The following SNX31 variants were observed in gnomAD, a reference collection of about 807,000 sequenced individuals.
SNX31 encodes sorting nexin 31.
In SNX31, 58 loss-of-function variants were observed where a neutral mutation model predicts 65.4. That is an observed-to-expected ratio of 0.89 (90% CI 0.72 to 1.10). SNX31 has a LOEUF of 1.10. Among genes scored for constraint, SNX31 ranks in the 50% least tolerant of loss-of-function variants. The pLI, the probability that SNX31 is intolerant of heterozygous loss-of-function variation, is 0.00. For missense variants in SNX31, 523 were observed against 529.7 expected, an observed-to-expected ratio of 0.99 and a Z score of 0.12; for synonymous variants, 181 against 190.1, an observed-to-expected ratio of 0.95 and a Z score of 0.39.
chr8:100,629,887 T>C lies in SNX31; in HGVS notation c.321+440A>G, dbSNP rs938495920. 6.6e-6 allele frequency among the ~76,000 whole-genome samples: 1 copy of C among 152,254 alleles called. No individual in the cohort carries two copies. Among genetic ancestry groups the C allele is most frequent in the African/African-American group, 2.4e-5 (1 of 41,458 alleles). ...ACAATAAAGGTAGGAGTAGAGAATATACAAGGAATAGCCAGCATGGCCTGC... is the reference window on the plus strand; with the variant it reads ...ACAATAAAGGTAGGAGTAGAGAATACACAAGGAATAGCCAGCATGGCCTGC... On this transcript the variant is annotated intron_variant, in intron 4 of 13. Coordinates refer to ENST00000311812, the MANE Select transcript of SNX31 (RefSeq NM_152628.4). The surrounding 1 kb of genome is among the most constrained non-coding windows in gnomAD (Gnocchi z 5.1).
chr8:100,649,671 T>TGGGGCC (rs1452419080), upstream of SNX31: 23 of 645,994 alleles, frequency 3.6e-5, no homozygotes, highest in East Asian at 2.3e-4. Flanking sequence ...CATCTACAGG[T>TGGGGCC]GGGGCCGGGG....
upstream of SNX31, among the ~76,000 whole-genome samples, chr8:100,653,064 C>T (rs1278828636): frequency 6.6e-6 from 1 of 152,162 alleles, no homozygotes; most frequent in Non-Finnish European, 1.5e-5. Context: ...TAAGTCTTCG[C>T]ATCCTGTGTA....
intron 9 of SNX31, 110 bp downstream of exon 9, chr8:100,600,239 G>A (rs1379385253): frequency 1.2e-6 from 1 of 810,692 alleles, no homozygotes. Flanking sequence ...TTTAAAAAGA[G>A]CCCCACTTTT....
At chr8:100,621,695 C>T (rs1817708023) in intron 4 of SNX31, among the ~76,000 whole-genome samples, 2 of 152,212 alleles carry the variant, frequency 1.3e-5, no homozygotes, top group African/African-American at 4.8e-5. Context: ...TTTTTAAATG[C>T]AAACCTAAAA....
At position 100,648,459 on chromosome 8, in the gene SNX31, G is replaced by A. The variant is rs144319657; in HGVS notation, c.141+815C>T. ...ATTACAAGCATGAGCCACGGTGCCT[G>A]GCCTATACTTTTGTTTTTAATGTTA... On this transcript the variant is annotated intron_variant, in intron 2 of 13. Coordinates refer to ENST00000311812, the MANE Select transcript of SNX31 (RefSeq NM_152628.4). This position sits in a 1 kb window ranked among gnomAD's most constrained non-coding sequence, Gnocchi z 4.3. Among the ~76,000 whole-genome samples, 177 of 151,810 alleles carry A rather than the reference G, an allele frequency of 1.2e-3. 4 individuals carry two copies. In the East Asian group the frequency reaches 0.028, roughly 24 times the overall value.
chr8:100,586,027 T>G (rs968538156), intron 11 of SNX31, among the ~76,000 whole-genome samples: 8 of 152,208 alleles, frequency 5.3e-5, no homozygotes, highest in Non-Finnish European at 2.9e-5. Flanking sequence ...TTCATGGGAT[T>G]CTCCTGCCTT....
chr8:100,573,754 G>T lies in SNX31; in HGVS notation c.*111C>A. The T allele has an allele frequency of 1.6e-6, 1 of 623,368 alleles. No homozygotes were observed. 38.6% of individuals were successfully genotyped at this position (623,368 alleles called of 1,614,324 possible). A position where few individuals can be genotyped will look rare whatever the true frequency, so the allele number is the denominator to read the frequency against. On this transcript the variant is annotated 3_prime_UTR_variant, in exon 14 of 14. Coordinates refer to ENST00000311812, the MANE Select transcript of SNX31 (RefSeq NM_152628.4). The stretch of plus-strand genomic sequence containing the variant: ...CAGTCCATGTTAATGCCAAAAAAAT[G>T]GGAAGAGGTCAAATTTCCTCCACTG...
intron 1 of SNX31, among the ~76,000 whole-genome samples, chr8:100,657,316 G>A (rs1482052511): frequency 2.0e-5 from 3 of 152,070 alleles, no homozygotes; most frequent in Non-Finnish European, 2.9e-5. Flanking sequence ...GCCAGGTATG[G>A]TGGTGCATGC....
chr8:100,649,650 CCGGCCGGGGACATCTACAGGTGGGGCCG>C, exon 1 of SNX31: 3 of 824,656 alleles, frequency 3.6e-6, no homozygotes, highest in Non-Finnish European at 5.5e-6. Context: ...CCCGCTCTCG[CCGGCCGGGGACATCTACAGGTGGGGCCG>C]GGGCCGGGCC....
intron 8 of SNX31, among the ~76,000 whole-genome samples, chr8:100,601,843 G>A (rs1451670137): frequency 1.3e-5 from 2 of 152,196 alleles, no homozygotes; most frequent in African/African-American, 4.8e-5. Flanking sequence ...CTATGGTGAA[G>A]CAACATGAAA....
chr8:100,663,408 C>G (rs1243701393), exon 1 of SNX31: 2 of 152,118 alleles, frequency 1.3e-5, no homozygotes, highest in East Asian at 3.8e-4. Flanking sequence ...ATGCACAGGG[C>G]TTTTGAGGAA....
chr8:100,645,521 G>C (rs1411886970), intron 2 of SNX31, among the ~76,000 whole-genome samples: 1 of 149,576 alleles, frequency 6.7e-6, no homozygotes, highest in African/African-American at 2.5e-5. Flanking sequence ...AAAAAAAATT[G>C]TTTGTTGTTG....
At position 100,582,214 on chromosome 8, in the gene SNX31, C is replaced by T. The variant is rs917237869; in HGVS notation, c.1170+1897G>A. The T allele has an allele frequency of 2.6e-5, 4 of 152,122 alleles. No homozygotes were observed. In the East Asian group the frequency reaches 7.7e-4, roughly 29 times the overall value. 9.4% of individuals were successfully genotyped at this position (152,122 alleles called of 1,614,324 possible). On this transcript the variant is annotated intron_variant, in intron 12 of 13. Transcript: ENST00000311812. ...CTTGAAAACTTTAAATAGATTACTA[C>T]TTTCTCCATTTTACTGAGTTAACTC...
chr8:100,625,820 C>T lies in SNX31; in HGVS notation c.321+4507G>A, dbSNP rs956443489. Among the ~76,000 whole-genome samples the T allele has an allele frequency of 3.3e-5, 5 of 152,184 alleles. No homozygotes were observed. Among genetic ancestry groups the T allele is most frequent in the African/African-American group, 1.2e-4 (5 of 41,448 alleles). The stretch of plus-strand genomic sequence containing the variant: ...CTACTCCGGGCCCCACTGGACACCA[C>T]CTAGTGGCAGGGGATGCTGAAGAGA... On this transcript the variant is annotated intron_variant, in intron 4 of 13. Coordinates refer to ENST00000311812, the MANE Select transcript of SNX31 (RefSeq NM_152628.4). This position sits in a 1 kb window ranked among gnomAD's most constrained non-coding sequence, Gnocchi z 4.2.
chr8:100,581,357 A>ATATATATATATAT (rs1586841868), intron 12 of SNX31, among the ~76,000 whole-genome samples: 1 of 146,050 alleles, frequency 6.8e-6, no homozygotes, highest in African/African-American at 2.6e-5. Context: ...ATATATATAT[A>ATATATATATATAT]ATTTAAGAAC....
At chr8:100,651,139 T>C (rs1819961152), upstream of SNX31, among the ~76,000 whole-genome samples, 1 of 152,174 alleles carries the variant, frequency 6.6e-6, no homozygotes, top group Admixed American at 6.5e-5. Context: ...AGTGTGAAAT[T>C]AGTGCACTCT....
chr8:100,580,733 G>A (rs183789387), intron 12 of SNX31, among the ~76,000 whole-genome samples: 64 of 152,278 alleles, frequency 4.2e-4, no homozygotes, highest in African/African-American at 1.4e-3. Context: ...ACCCCATCCA[G>A]CCCTAGACTG....
In SNX31 at chr8:100,594,757, A is replaced by G. The variant is rs6468727; in HGVS notation, c.978+1882T>C. ...TCGGCAGTTTCTTTAAAAAGTAAAC[A>G]TGCAATTACCGTACGACCCAGCAAT... On this transcript the variant is annotated intron_variant, in intron 10 of 13. Coordinates refer to ENST00000311812, the MANE Select transcript of SNX31 (RefSeq NM_152628.4). This position sits in a 1 kb window ranked among gnomAD's most constrained non-coding sequence, Gnocchi z 4.0. 0.033 allele frequency among the ~76,000 whole-genome samples: 5,094 copies of G among 152,306 alleles called. 248 individuals carry two copies. The highest frequency in any genetic ancestry group is 0.11 in the African/African-American group (4,455 of 41,548).
chr8:100,645,864 G>C (rs907528568), intron 2 of SNX31, among the ~76,000 whole-genome samples: 5 of 152,092 alleles, frequency 3.3e-5, no homozygotes, highest in African/African-American at 1.2e-4. Context: ...ACCCACCTTG[G>C]CCTCCCAGAG....
Sources: gnomAD v4.1 joint callset for allele counts (sites outside exome capture counted in the v4.1 genomes callset) on GRCh38, gnomAD v4.1.1 for gene constraint, Gnocchi (gnomAD v3.1) non-coding constraint, MANE v1.5 for transcripts, NCBI Gene and HGNC (gene_info 2026-07-23, HGNC 2026-07-21) for gene names.